The following PTPN13 variants were observed in gnomAD, a reference collection of about 807,000 sequenced individuals.
PTPN13 encodes the protein protein tyrosine phosphatase non-receptor type 13.
A neutral mutation model predicts 284.0 loss-of-function variants in PTPN13; 191 were observed. That is an observed-to-expected ratio of 0.67 (90% confidence interval 0.60 to 0.76). The LOEUF (loss-of-function observed/expected upper bound fraction) is 0.76, where lower values mean the gene tolerates loss of function less well. Ranked by LOEUF, PTPN13 falls within the 30% of genes least tolerant of loss-of-function variation. The pLI is 0.00. For synonymous variants in PTPN13, 986 were observed against 1,022.3 expected (o/e 0.96, Z 0.68); for missense variants, 2,797 against 2,939.9 (o/e 0.95, Z 1.12).
At chr4:86,625,268 T>G (rs900998503) in intron 1 of PTPN13, among the ~76,000 whole-genome samples, 2 of 152,136 alleles carry the variant, frequency 1.3e-5, no homozygotes, top group African/African-American at 4.8e-5. Flanking sequence ...CTACAGAATT[T>G]GAATACCTCC....
At chr4:86,639,188 A>G (rs1242078105) in intron 2 of PTPN13, among the ~76,000 whole-genome samples, 3 of 151,848 alleles carry the variant, frequency 2.0e-5, no homozygotes, top group African/African-American at 4.8e-5. Flanking sequence ...CAGGTGCTGG[A>G]GAGGATGTGG....
intron 41 of PTPN13, among the ~76,000 whole-genome samples, chr4:86,797,459 TCCAG>T (rs1401258228): frequency 6.6e-6 from 1 of 151,508 alleles, no homozygotes; most frequent in Admixed American, 6.6e-5. Context: ...GCCACTGTAC[TCCAG>T]CCTGAGCAAC....
chr4:86,737,586 CTT>C (rs1735667901), intron 15 of PTPN13, among the ~76,000 whole-genome samples: 1 of 151,726 alleles, frequency 6.6e-6, no homozygotes, highest in Non-Finnish European at 1.5e-5. Context: ...CCTCTTGTCT[CTT>C]TATAGTCAGT....
intron 2 of PTPN13, among the ~76,000 whole-genome samples, chr4:86,638,882 G>C (rs1295167363): frequency 6.6e-6 from 1 of 151,846 alleles, no homozygotes; most frequent in Non-Finnish European, 1.5e-5. Flanking sequence ...CTACCATCAG[G>C]GTGAACAGGC....
intron 10 of PTPN13, among the ~76,000 whole-genome samples, chr4:86,728,643 C>CATTTTTTTTTTTTTTT (rs1734569004): frequency 4.1e-5 from 1 of 24,500 alleles, no homozygotes. Context: ...CAACCCCTGC[C>CATTTTTTTTTTTTTTT]TTTTTTTTTT....
chr4:86,798,081 A>G (rs912173554), intron 41 of PTPN13, among the ~76,000 whole-genome samples: 6 of 152,306 alleles, frequency 3.9e-5, no homozygotes, highest in African/African-American at 1.4e-4. Flanking sequence ...ACATTAACTG[A>G]AGAAAAATGC....
At chr4:86,656,464 AGG>A (rs1725822955) in intron 2 of PTPN13, among the ~76,000 whole-genome samples, 1 of 152,232 alleles carries the variant, frequency 6.6e-6, no homozygotes, top group African/African-American at 2.4e-5. Context: ...TCTAACAGTG[AGG>A]ACCCTCAGCT....
At chr4:86,686,930 T>G (rs1176721645) in intron 4 of PTPN13, among the ~76,000 whole-genome samples, 155 bp downstream of exon 4, 1 of 152,248 alleles carries the variant, frequency 6.6e-6, no homozygotes, top group Non-Finnish European at 1.5e-5. Context: ...ATGTCATACT[T>G]TCAGGATGAA....
intron 38 of PTPN13, among the ~76,000 whole-genome samples, chr4:86,784,929 A>T (rs2149317642): frequency 6.6e-6 from 1 of 152,196 alleles, no homozygotes; most frequent in Admixed American, 6.5e-5. Flanking sequence ...ATACATTGAG[A>T]GTCATTTAAG....
chr4:86,748,185 G>A (rs558795029), intron 17 of PTPN13, among the ~76,000 whole-genome samples: 1 of 152,192 alleles, frequency 6.6e-6, no homozygotes, highest in Non-Finnish European at 1.5e-5. Context: ...GAGATATAAG[G>A]AAGCACAAAA....
intron 4 of PTPN13, 87 bp from the exon 5 acceptor site, chr4:86,688,918 G>T: frequency 9.5e-7 from 1 of 1,056,222 alleles, no homozygotes; most frequent in Non-Finnish European, 1.4e-6. Context: ...TTTTAGTGTG[G>T]TTCCTGTGAT....
At chr4:86,720,687 T>G (rs932981087) in intron 9 of PTPN13, among the ~76,000 whole-genome samples, 8 of 152,158 alleles carry the variant, frequency 5.3e-5, no homozygotes, top group African/African-American at 1.9e-4. Context: ...GTTTTCTTCT[T>G]TAGGTCACAC....
chr4:86,705,356 GCAAA>G (rs1279922299), intron 7 of PTPN13, among the ~76,000 whole-genome samples: 1 of 137,882 alleles, frequency 7.3e-6, no homozygotes, highest in Non-Finnish European at 1.6e-5. Context: ...AAAGACATGC[GCAAA>G]CAAACGTGCA....
chr4:86,805,877 C>T (rs986954830), intron 44 of PTPN13, among the ~76,000 whole-genome samples: 2 of 151,970 alleles, frequency 1.3e-5, no homozygotes, highest in Non-Finnish European at 2.9e-5. Flanking sequence ...TCATTTTGGC[C>T]CGGTGCAGTG....
intron 9 of PTPN13, among the ~76,000 whole-genome samples, chr4:86,718,512 G>A (rs1055234292): frequency 2.0e-5 from 3 of 149,614 alleles, no homozygotes; most frequent in Admixed American, 6.8e-5. Flanking sequence ...ATGCAGTGGC[G>A]CTATCTCAGC....
At chr4:86,636,957 G>A (rs1327266387) in intron 2 of PTPN13, among the ~76,000 whole-genome samples, 1 of 151,074 alleles carries the variant, frequency 6.6e-6, no homozygotes, top group African/African-American at 2.4e-5. Flanking sequence ...AAAAAAGAGA[G>A]AAGAATCAAA....
intron 15 of PTPN13, among the ~76,000 whole-genome samples, chr4:86,736,541 T>TGGAA (rs1169121074): frequency 2.0e-5 from 3 of 152,182 alleles, no homozygotes; most frequent in African/African-American, 4.8e-5. Flanking sequence ...CTAGTGTTCA[T>TGGAA]GGAAAGAAAG....
chr4:86,612,537 T>C lies in PTPN13; in HGVS notation c.-6+17748T>C, dbSNP rs1360875911. On this transcript the variant is annotated intron_variant, in intron 1 of 47. Coordinates refer to ENST00000411767, the MANE Select transcript of PTPN13 (RefSeq NM_080683.3). ...GAAGAAATAATGGCTGAGATTTTTC[T>C]GGATTTGATGAAAACTATAAACCCA... 2.0e-5 allele frequency among the ~76,000 whole-genome samples: 3 copies of C among 152,196 alleles called. No individual in the cohort carries two copies. In the East Asian group the frequency reaches 5.8e-4, roughly 29 times the overall value.
chr4:86,679,069 C>T (rs1176094085), intron 3 of PTPN13, among the ~76,000 whole-genome samples: 1 of 152,200 alleles, frequency 6.6e-6, no homozygotes, highest in Non-Finnish European at 1.5e-5. Context: ...TTGGCCTTGT[C>T]TGAGCCGTCT....
Sources: gnomAD v4.1 joint callset for allele counts (sites outside exome capture counted in the v4.1 genomes callset) on GRCh38, gnomAD v4.1.1 for gene constraint, MANE v1.5 for transcripts, NCBI Gene and HGNC (gene_info 2026-07-23, HGNC 2026-07-21) for gene names.